SSTR3: variants seen among roughly 807,000 people sequenced by gnomAD.
SSTR3 encodes somatostatin receptor type 3.
For missense variants in SSTR3, 504 were observed against 604.7 expected, an observed-to-expected ratio of 0.83 and a Z score of 1.75; for synonymous variants, 281 against 269.2, an observed-to-expected ratio of 1.04 and a Z score of -0.43.
At position 37,211,987 on chromosome 22, in the gene SSTR3, C is replaced by A; in HGVS notation, c.-199G>T. 1 of 985,636 alleles carries A rather than the reference C, an allele frequency of 1.0e-6. No homozygotes were observed. The highest frequency in any genetic ancestry group is 1.2e-6 in the Non-Finnish European group (1 of 830,116). 61.1% of individuals were successfully genotyped at this position (985,636 alleles called of 1,614,324 possible). A position where few individuals can be genotyped will look rare whatever the true frequency, so the allele number is the denominator to read the frequency against. ...TTGCGGGCTCAGGTTCCCTCCCAGG[C>A]CCTCGGCCACGGCTGTCCACAGAGC... is the stretch of plus-strand genomic sequence containing the variant. On this transcript the variant is annotated 5_prime_UTR_variant, in exon 1 of 2. Transcript: ENST00000610913.
At chr22:37,211,258 C>G (rs1926171847) in intron 1 of SSTR3, among the ~76,000 whole-genome samples, 2 of 152,330 alleles carry the variant, frequency 1.3e-5, no homozygotes, top group South Asian at 4.1e-4. Context: ...CCAAAGACAC[C>G]TGGCTTATGC....
At chr22:37,209,484 A>G (rs56064544) in intron 1 of SSTR3, among the ~76,000 whole-genome samples, 15,611 of 152,234 alleles carry the variant, frequency 0.1, 1,018 homozygotes, top group South Asian at 0.2. Context: ...CCAACCCTTC[A>G]TCAGGTCTCC....
Position 37,212,207 on chromosome 22 carries a change from GAA to G in SSTR3, c.-421_-420del, listed in dbSNP as rs1926232650. On this transcript the variant is annotated 5_prime_UTR_variant, in exon 1 of 2. The change creates a premature stop within an existing upstream ORF in the 5' untranslated region. Coordinates refer to ENST00000610913, the MANE Select transcript of SSTR3 (RefSeq NM_001051.5). The stretch of plus-strand genomic sequence containing the variant: ...GGAAAGGGGGTCGGGAGGAGGTGGA[GAA>G]AGAGAGAGAGAGAGAAAGAGGGAGG... The G allele has an allele frequency of 1.1e-6, 1 of 935,736 alleles. No homozygotes were observed. Among genetic ancestry groups the G allele is most frequent in the Non-Finnish European group, 1.3e-6 (1 of 788,522 alleles). 58.0% of individuals were successfully genotyped at this position (935,736 alleles called of 1,614,324 possible).
At chr22:37,218,423 C>T in the SSTR3 span, among the ~76,000 whole-genome samples, 388 of 152,198 alleles carry the variant, frequency 2.5e-3, 1 homozygote, top group African/African-American at 8.1e-3. Context: ...GGCGTGGTGG[C>T]GCATGCCTGT....
chr22:37,211,055 C>T, intron 1 of SSTR3: 2 of 872,382 alleles, frequency 2.3e-6, no homozygotes, highest in South Asian at 5.2e-5. Context: ...TGCAAAGGGT[C>T]ACCCAGCTGG....
At chr22:37,210,650 A>G in intron 1 of SSTR3, 28 of 985,434 alleles carry the variant, frequency 2.8e-5, no homozygotes, top group Non-Finnish European at 3.4e-5. Context: ...TATCTTTGGC[A>G]CAAGCTTGCC....
chr22:37,217,687 TTTTG>T, the SSTR3 span, among the ~76,000 whole-genome samples: 2 of 150,986 alleles, frequency 1.3e-5, no homozygotes, highest in African/African-American at 2.4e-5. Flanking sequence ...TATTTTATTT[TTTTG>T]TTTGTTTGTT....
At chr22:37,210,190 C>T (rs1926107003) in intron 1 of SSTR3, among the ~76,000 whole-genome samples, 1 of 152,230 alleles carries the variant, frequency 6.6e-6, no homozygotes, top group South Asian at 2.1e-4. Flanking sequence ...CACCAGGCTC[C>T]TGAGAGAAGC....
At chr22:37,210,950 G>A (rs1926154032) in intron 1 of SSTR3, 8 of 985,370 alleles carry the variant, frequency 8.1e-6, no homozygotes, top group African/African-American at 1.7e-5. Flanking sequence ...GTCCCCGGAT[G>A]GAAGCCTCAG....
At position 37,206,747 on chromosome 22, in the gene SSTR3, C is replaced by T; in HGVS notation, c.1057G>A (p.Glu353Lys). 1 of 1,609,618 alleles carries T rather than the reference C, an allele frequency of 6.2e-7. No homozygotes were observed. The highest frequency in any genetic ancestry group is 8.5e-7 in the Non-Finnish European group (1 of 1,179,780). ...GPPEKTEEED[E>K]EEEDGEESRE... ...CTCTCCTCCCCATCCTCCTCCTCCT[C>T]ATCCTCCTCCTCAGTCTTCTCCGGG... Residue 353 changes from glutamate to lysine, a missense_variant, in exon 2 of 2, where the codon GAG (glutamate) becomes AAG (lysine). Coordinates refer to ENST00000610913, the MANE Select transcript of SSTR3 (RefSeq NM_001051.5).
At chr22:37,219,602 T>G in the SSTR3 span, among the ~76,000 whole-genome samples, 2 of 151,880 alleles carry the variant, frequency 1.3e-5, no homozygotes, top group Non-Finnish European at 2.9e-5. Context: ...GTAGGAATGG[T>G]GGGTAGAGAG....
chr22:37,210,431 C>G (rs1926122492), intron 1 of SSTR3: 2 of 844,466 alleles, frequency 2.4e-6, no homozygotes, highest in African/African-American at 1.8e-5. Context: ...CCCTGGCCCC[C>G]TCCTGGAAAA....
chr22:37,211,715 G>A, intron 1 of SSTR3, 110 bp downstream of exon 1: 1 of 980,238 alleles, frequency 1.0e-6, no homozygotes, highest in Non-Finnish European at 1.2e-6. Context: ...CTCCCTGGGA[G>A]TCCCCACCCT....
Position 37,207,064 on chromosome 22 carries a change from CGCT to C in SSTR3, c.737_739del (p.Gln246del). 6.2e-7 allele frequency: 1 copy of C among 1,612,104 alleles called. No homozygotes were observed. Among genetic ancestry groups the C allele is most frequent in the Non-Finnish European group, 8.5e-7 (1 of 1,179,450 alleles). On this transcript the variant is annotated inframe_deletion, in exon 2 of 2. Transcript: ENST00000610913. ...GACCCTGCGTTCGGAGCGCCGCCGC[CGCT>C]GGCACGAGGGTGCCCACACCCGGCG...
In SSTR3 at chr22:37,207,312, G is replaced by A. The variant is rs34713826; in HGVS notation, c.492C>T (p.Ser164=). The change falls in exon 2 of 2, where the codon AGC becomes AGT. Residue 164 remains serine (S), a synonymous_variant. Coordinates refer to ENST00000610913, the MANE Select transcript of SSTR3 (RefSeq NM_001051.5). The part of the protein sequence containing the change: ...WRTAPVARTV[S]AAVWVASAVV... ...CGGCTGAGGCCACCCACACAGCCGCGCTGACCGTGCGGGCCACCGGAGCTG... is the reference window on the plus strand; with the variant it reads ...CGGCTGAGGCCACCCACACAGCCGCACTGACCGTGCGGGCCACCGGAGCTG... The A allele has an allele frequency of 2.5e-4, 395 of 1,594,992 alleles. 1 individual carries two copies. In the African/African-American group the frequency reaches 3.7e-3, roughly 15 times the overall value.
Position 37,206,768 on chromosome 22 carries a change from C to G in SSTR3, c.1036G>C (p.Glu346Gln). The G allele has an allele frequency of 6.2e-7, 1 of 1,610,658 alleles. No individual in the cohort carries two copies. The highest frequency in any genetic ancestry group is 8.5e-7 in the Non-Finnish European group (1 of 1,179,740). Residue 346 changes from glutamate (E) to glutamine (Q), a missense_variant, in exon 2 of 2, where the codon GAG (glutamate) becomes CAG (glutamine). Coordinates refer to ENST00000610913, the MANE Select transcript of SSTR3 (RefSeq NM_001051.5). The part of the protein sequence containing the change: ...RSQEPTVGPP[E>Q]KTEEEDEEEE... ...TCCTCATCCTCCTCCTCAGTCTTCT[C>G]CGGGGGCCCCACAGTGGGCTCCTGG...
At chr22:37,208,668 G>T (rs1925999900) in intron 1 of SSTR3, among the ~76,000 whole-genome samples, 1 of 152,146 alleles carries the variant, frequency 6.6e-6, no homozygotes, top group Non-Finnish European at 1.5e-5. Context: ...ATAAGCAAGA[G>T]CCCCCCCGCA....
rs540558108 is a variant in SSTR3, at chr22:37,206,691, G to A, written c.1113C>T (p.Asn371=). The change falls in exon 2 of 2, where the codon AAC becomes AAT. Residue 371 remains asparagine, a synonymous_variant. Coordinates refer to ENST00000610913, the MANE Select transcript of SSTR3 (RefSeq NM_001051.5). Reference sequence around the variant, plus strand: ...GCTGCGTGATCTGGCTGACCCGGCCGTTCATCTCCTTCCCCTTGCCCCCCT... The same window carrying A: ...GCTGCGTGATCTGGCTGACCCGGCCATTCATCTCCTTCCCCTTGCCCCCCT... The part of the protein sequence containing the change: ...SREGGKGKEM[N]GRVSQITQPG... The A allele has an allele frequency of 4.1e-5, 66 of 1,608,974 alleles. No homozygotes were observed. Among genetic ancestry groups the A allele is most frequent in the Middle Eastern group, 3.4e-4 (2 of 5,922 alleles).
At chr22:37,215,153 C>T (rs954101316), upstream of SSTR3, among the ~76,000 whole-genome samples, 1 of 152,218 alleles carries the variant, frequency 6.6e-6, no homozygotes, top group African/African-American at 2.4e-5. Context: ...TGCATACATC[C>T]CAATACCCTG....
Sources: gnomAD v4.1 joint callset for allele counts (sites outside exome capture counted in the v4.1 genomes callset) on GRCh38, gnomAD v4.1.1 for gene constraint, MANE v1.5 for transcripts, NCBI Gene and HGNC (gene_info 2026-07-23, HGNC 2026-07-21) for gene names.